The following AGPAT3 variants were observed in gnomAD, a reference collection of about 807,000 sequenced individuals.
AGPAT3 encodes 1-acyl-sn-glycerol-3-phosphate acyltransferase gamma.
In AGPAT3, 5 loss-of-function variants were observed where a neutral mutation model predicts 47.3. That is an observed-to-expected ratio of 0.11 (90% confidence interval 0.06 to 0.22). AGPAT3 has a LOEUF of 0.22. Among genes scored for constraint, AGPAT3 ranks in the 10% least tolerant of loss-of-function variants. The pLI is 1.00. For synonymous variants in AGPAT3, 212 were observed against 208.3 expected (o/e 1.02, Z -0.15); for missense variants, 315 against 493.0 (o/e 0.64, Z 3.42).
intron 2 of AGPAT3, chr21:43,946,908 C>G (rs1041906513): frequency 6.6e-6 from 1 of 152,286 alleles, no homozygotes; most frequent in Non-Finnish European, 1.5e-5. Context: ...GTCCTGCAGG[C>G]CCGCAGACTT....
In AGPAT3 at chr21:43,936,868, C is replaced by T. The variant is rs541029265; in HGVS notation, c.-48-22766C>T. Among the ~76,000 whole-genome samples the T allele has an allele frequency of 8.5e-5, 13 of 152,330 alleles. No individual in the cohort carries two copies. In the East Asian group the frequency reaches 2.5e-3, roughly 29 times the overall value. The stretch of plus-strand genomic sequence containing the variant: ...TCCCTGTGTATTTGCAACTGCACGG[C>T]CTGTTTCCTTGCCCTAAAATTTGTT... On this transcript the variant is annotated intron_variant, in intron 2 of 9. Coordinates refer to ENST00000291572, the MANE Select transcript of AGPAT3 (RefSeq NM_020132.5).
chr21:43,871,070 A>G (rs2085614296), intron 1 of AGPAT3, among the ~76,000 whole-genome samples: 1 of 152,250 alleles, frequency 6.6e-6, no homozygotes, highest in Admixed American at 6.5e-5. Context: ...CAAACTGCAC[A>G]CGCCAAATTA....
At chr21:43,866,120 G>GTTTTT (rs751185123) in intron 1 of AGPAT3, among the ~76,000 whole-genome samples, 4 of 132,410 alleles carry the variant, frequency 3.0e-5, no homozygotes, top group Non-Finnish European at 4.8e-5. Flanking sequence ...ATGGTGCAGT[G>GTTTTT]TTTTTTTTTT....
chr21:43,902,683 A>G (rs1326460947), intron 1 of AGPAT3, among the ~76,000 whole-genome samples: 4 of 152,144 alleles, frequency 2.6e-5, no homozygotes, highest in South Asian at 4.1e-4. Flanking sequence ...TCCAAATATC[A>G]CATTAGCAGG....
intron 2 of AGPAT3, among the ~76,000 whole-genome samples, chr21:43,905,155 ATATTTATTTATT>A (rs71334019): frequency 0.09 from 12,528 of 138,448 alleles, 949 homozygotes; most frequent in African/African-American, 0.18. Flanking sequence ...TTTAAAAAAA[ATATTTATTTATT>A]TATTTATTTA....
intron 1 of AGPAT3, among the ~76,000 whole-genome samples, chr21:43,899,868 G>C (rs1333643759): frequency 6.6e-6 from 1 of 152,170 alleles, no homozygotes; most frequent in African/African-American, 2.4e-5. Flanking sequence ...GACCTGCCTA[G>C]GTCAAGAAGA....
intron 7 of AGPAT3, among the ~76,000 whole-genome samples, chr21:43,973,332 TGA>T (rs954827261): frequency 6.6e-6 from 1 of 152,096 alleles, no homozygotes; most frequent in Non-Finnish European, 1.5e-5. Context: ...GGACAGGACA[TGA>T]GAGGGGATGA....
intron 1 of AGPAT3, among the ~76,000 whole-genome samples, chr21:43,877,575 C>T (rs1428282020): frequency 4.6e-5 from 7 of 151,822 alleles, no homozygotes; most frequent in African/African-American, 1.7e-4. Context: ...CCTGAGTAGC[C>T]GGGATTACAG....
At chr21:43,914,025 CCT>C (rs1322862183) in intron 2 of AGPAT3, among the ~76,000 whole-genome samples, 1 of 152,132 alleles carries the variant, frequency 6.6e-6, no homozygotes, top group Non-Finnish European at 1.5e-5. Context: ...GGACAGTGGC[CCT>C]GTTTTCTATT....
At chr21:43,905,228 C>T (rs1232185449) in intron 2 of AGPAT3, among the ~76,000 whole-genome samples, 2 of 151,520 alleles carry the variant, frequency 1.3e-5, no homozygotes, top group African/African-American at 2.4e-5. Flanking sequence ...CTGGCTCTGT[C>T]GCCCGGGCTG....
Position 43,920,533 on chromosome 21 carries a change from A to C in AGPAT3, c.-49+16514A>C, listed in dbSNP as rs1233269656. On this transcript the variant is annotated intron_variant, in intron 2 of 9. Coordinates refer to ENST00000291572, the MANE Select transcript of AGPAT3 (RefSeq NM_020132.5). The surrounding 1 kb of genome is among the most constrained non-coding windows in gnomAD (Gnocchi z 6.1). ...ACAGCCTCCTGGGGGACTGGTTGCCAGGGCAACTGACCATGTAATTAGAGG... is the reference window on the plus strand; with the variant it reads ...ACAGCCTCCTGGGGGACTGGTTGCCCGGGCAACTGACCATGTAATTAGAGG... Among the ~76,000 whole-genome samples the C allele has an allele frequency of 6.6e-6, 1 of 152,052 alleles. No individual in the cohort carries two copies.
intron 3 of AGPAT3, among the ~76,000 whole-genome samples, chr21:43,962,201 A>G (rs952028995): frequency 6.6e-5 from 10 of 151,914 alleles, no homozygotes; most frequent in African/African-American, 2.4e-4. Context: ...ACGGGGTTTC[A>G]CTGTGTTAGC....
At chr21:43,940,911 C>T (rs1024098605) in intron 2 of AGPAT3, among the ~76,000 whole-genome samples, 4 of 152,212 alleles carry the variant, frequency 2.6e-5, no homozygotes, top group African/African-American at 9.7e-5. Context: ...TTCAGAGACT[C>T]GGTCCCAACC....
chr21:43,943,794 C>T (rs1358395026), intron 2 of AGPAT3, among the ~76,000 whole-genome samples: 3 of 152,216 alleles, frequency 2.0e-5, no homozygotes, highest in Non-Finnish European at 4.4e-5. Context: ...GTAGTGGCAG[C>T]TTATTACCAC....
At chr21:43,897,905 G>A (rs770315943) in intron 1 of AGPAT3, among the ~76,000 whole-genome samples, 6 of 152,208 alleles carry the variant, frequency 3.9e-5, no homozygotes, top group Non-Finnish European at 5.9e-5. Flanking sequence ...TCGGGAGGCC[G>A]AGGCGGGCAG....
chr21:43,935,581 G>T (rs1426561811), intron 2 of AGPAT3, among the ~76,000 whole-genome samples: 3 of 152,246 alleles, frequency 2.0e-5, no homozygotes, highest in African/African-American at 7.2e-5. Flanking sequence ...AGCTCGGAGA[G>T]ACCTGAGGCC....
At chr21:43,910,069 C>A (rs185885953) in intron 2 of AGPAT3, among the ~76,000 whole-genome samples, 2 of 152,324 alleles carry the variant, frequency 1.3e-5, no homozygotes, top group East Asian at 3.9e-4. Flanking sequence ...CACAGCGTGA[C>A]CCGTGGCTGG....
chr21:43,970,731 C>T lies in AGPAT3; in HGVS notation c.589C>T (p.Leu197Phe). The part of the protein sequence containing the change: ...VSMEVAAAKG[L>F]PVLKYHLLPR... ...CATGGAGGTGGCGGCTGCTAAGGGG[C>T]TTCCTGTCCTCAAGTACCACCTGCT... Residue 197 changes from leucine (L) to phenylalanine (F), a missense_variant, in exon 6 of 10, where the codon CTT (leucine) becomes TTT (phenylalanine). Leu to Phe is a conservative substitution (Grantham distance 22). Coordinates refer to ENST00000291572, the MANE Select transcript of AGPAT3 (RefSeq NM_020132.5). The surrounding 1 kb of genome is among the most constrained non-coding windows in gnomAD (Gnocchi z 5.8). 1 of 1,613,008 alleles carries T rather than the reference C, an allele frequency of 6.2e-7. No individual in the cohort carries two copies. The highest frequency in any genetic ancestry group is 8.5e-7 in the Non-Finnish European group (1 of 1,179,208).
Position 43,982,098 on chromosome 21 carries a change from G to A in AGPAT3, c.1043-206G>A, listed in dbSNP as rs868369748. On this transcript the variant is annotated intron_variant, in intron 9 of 9. Transcript: ENST00000291572. The surrounding 1 kb of genome is among the most constrained non-coding windows in gnomAD (Gnocchi z 6.2). ...CCTCGGACCCAGCCGGTCAGAAGAC[G>A]TGCCCCTCACCCCTGCCTGAGCAGA... Among the ~76,000 whole-genome samples the A allele has an allele frequency of 6.6e-6, 1 of 152,190 alleles. No individual in the cohort carries two copies. Among genetic ancestry groups the A allele is most frequent in the African/African-American group, 2.4e-5 (1 of 41,442 alleles).
Sources: allele counts gnomAD v4.1 joint callset (sites outside exome capture counted in the v4.1 genomes callset), GRCh38; gene constraint gnomAD v4.1.1; non-coding constraint Gnocchi (gnomAD v3.1); transcripts MANE v1.5; gene names NCBI Gene and HGNC (gene_info 2026-07-23, HGNC 2026-07-21).